Variants in ZCCHC2 observed in about 807,000 individuals in gnomAD.
ZCCHC2 encodes the protein zinc finger CCHC domain-containing protein 2.
ZCCHC2 carries 39 observed loss-of-function variants against 103.6 expected under a neutral mutation model. The observed-to-expected ratio is 0.38, with a 90% CI of 0.29 to 0.49. ZCCHC2 has a LOEUF of 0.49. Ranked by LOEUF, ZCCHC2 falls within the 20% of genes least tolerant of loss-of-function variation. The probability of loss-of-function intolerance (pLI) is 0.96; values close to 1 mark genes in which losing one functional copy is unlikely to be tolerated. For missense variants in ZCCHC2, 1,483 were observed against 1,491.0 expected, an observed-to-expected ratio of 0.99 and a Z score of 0.09; for synonymous variants, 687 against 608.9, an observed-to-expected ratio of 1.13 and a Z score of -1.89.
chr18:62,571,249 G>A (rs1425027102), intron 12 of ZCCHC2, among the ~76,000 whole-genome samples: 7 of 152,116 alleles, frequency 4.6e-5, no homozygotes. Context: ...GGGCTTTTGG[G>A]GAACTCGAAA....
intron 5 of ZCCHC2, 45 bp from the exon 6 acceptor site, chr18:62,556,158 T>C (rs1438490743): frequency 6.8e-7 from 1 of 1,480,046 alleles, no homozygotes; most frequent in Non-Finnish European, 9.2e-7. Flanking sequence ...TCTTGTGGAT[T>C]AACATTACCT....
Position 62,523,280 on chromosome 18 carries a change from C to A in ZCCHC2, c.-145C>A, listed in dbSNP as rs967564355. ...GCCGGCCACCGCCCCCCTCGCCGGC[C>A]GAGACCCGCCCCCGGCCCCGGCCCT... On this transcript the variant is annotated 5_prime_UTR_variant, in exon 1 of 14. Transcript: ENST00000269499. 6.9e-5 allele frequency: 55 copies of A among 792,830 alleles called. No homozygotes were observed. The highest frequency in any genetic ancestry group is 8.4e-5 in the Non-Finnish European group (55 of 654,732). The allele number at this position is 792,830 out of a possible 1,614,324, so 49.1% of individuals were successfully genotyped here. A position where few individuals can be genotyped will look rare whatever the true frequency, so the allele number is the denominator to read the frequency against.
At chr18:62,547,664 C>T (rs1915479349) in intron 4 of ZCCHC2, among the ~76,000 whole-genome samples, 1 of 151,962 alleles carries the variant, frequency 6.6e-6, no homozygotes, top group African/African-American at 2.4e-5. Context: ...CCAGTTCAAG[C>T]TGTTCTCATG....
At chr18:62,545,056 C>T (rs1180652942) in intron 4 of ZCCHC2, among the ~76,000 whole-genome samples, 183 bp downstream of exon 4, 2 of 152,012 alleles carry the variant, frequency 1.3e-5, no homozygotes, top group Non-Finnish European at 2.9e-5. Context: ...CCTGACATTA[C>T]CAACATAAGG....
intron 6 of ZCCHC2, among the ~76,000 whole-genome samples, chr18:62,557,508 A>T (rs1915943332): frequency 6.6e-6 from 1 of 152,248 alleles, no homozygotes; most frequent in Non-Finnish European, 1.5e-5. Flanking sequence ...AATCCGAATT[A>T]AAAATATGAC....
intron 4 of ZCCHC2, 30 bp from the exon 5 acceptor site, chr18:62,550,318 A>G (rs895806262): frequency 4.0e-6 from 6 of 1,512,498 alleles, no homozygotes; most frequent in African/African-American, 1.4e-5. Flanking sequence ...GAGAAACTTA[A>G]CATTGGATAT....
At chr18:62,524,634 G>T (rs1024889360) in intron 1 of ZCCHC2, 6 of 447,624 alleles carry the variant, frequency 1.3e-5, no homozygotes, top group Non-Finnish European at 1.5e-5. Flanking sequence ...GTGTTGCCAC[G>T]GAAGACGTGG....
chr18:62,531,283 T>C lies in ZCCHC2; in HGVS notation c.939+6920T>C, dbSNP rs1914660872. Among the ~76,000 whole-genome samples the C allele has an allele frequency of 2.0e-5, 3 of 152,228 alleles. No homozygotes were observed. The South Asian group carries it at 6.2e-4, about 31-fold the overall frequency. ...AAGGAAGTGCCTAATCGGGTGTTTA[T>C]GTTACAGGTGTAGCCTGGCTGGGCC... On this transcript the variant is annotated intron_variant, in intron 1 of 13. Coordinates refer to ENST00000269499, the MANE Select transcript of ZCCHC2 (RefSeq NM_017742.6).
At chr18:62,583,705 G>T (rs1917093934) in intron 14 of ZCCHC2, among the ~76,000 whole-genome samples, 1 of 151,992 alleles carries the variant, frequency 6.6e-6, no homozygotes, top group African/African-American at 2.4e-5. Context: ...CCAAGAGGGA[G>T]GGCTCATTGA....
intron 13 of ZCCHC2, among the ~76,000 whole-genome samples, chr18:62,576,125 T>G (rs936155397): frequency 3.3e-5 from 5 of 152,184 alleles, no homozygotes; most frequent in Non-Finnish European, 5.9e-5. Context: ...GAACAAAGTT[T>G]AATATTACTA....
intron 4 of ZCCHC2, among the ~76,000 whole-genome samples, chr18:62,546,082 A>T (rs1915393660): frequency 6.6e-6 from 1 of 152,192 alleles, no homozygotes; most frequent in Non-Finnish European, 1.5e-5. Context: ...CCTCCCACTC[A>T]TTAGTGACCT....
chr18:62,576,721 C>A lies in ZCCHC2; in HGVS notation c.*142C>A. Reference sequence around the variant, plus strand: ...GTTGGGATTTTTCATTTCTCTTGTACCAATGTCCAAAACAAGAAAGAATGC... The same window carrying A: ...GTTGGGATTTTTCATTTCTCTTGTAACAATGTCCAAAACAAGAAAGAATGC... On this transcript the variant is annotated 3_prime_UTR_variant, in exon 14 of 14. Transcript: ENST00000269499. 3 of 747,028 alleles carry A rather than the reference C, an allele frequency of 4.0e-6. No homozygotes were observed. Among genetic ancestry groups the A allele is most frequent in the Non-Finnish European group, 4.3e-6 (2 of 464,496 alleles). The allele number at this position is 747,028 out of a possible 1,614,324, so 46.3% of individuals were successfully genotyped here. A position where few individuals can be genotyped will look rare whatever the true frequency, so the allele number is the denominator to read the frequency against.
At position 62,532,122 on chromosome 18, in the gene ZCCHC2, T is replaced by TGCGC. The variant is rs145663766; in HGVS notation, c.940-7550_940-7547dup. On this transcript the variant is annotated intron_variant, in intron 1 of 13. Coordinates refer to ENST00000269499, the MANE Select transcript of ZCCHC2 (RefSeq NM_017742.6). ...GGGAGCCAGTGAAGGGGTGTGTGTG[T>TGCGC]GCGCGCGCGCGCACGTGCGCCCTTA... Among the ~76,000 whole-genome samples, 6 of 152,198 alleles carry TGCGC rather than the reference T, an allele frequency of 3.9e-5. No homozygotes were observed. The East Asian group carries it at 9.7e-4, about 24-fold the overall frequency.
intron 4 of ZCCHC2, 129 bp downstream of exon 4, chr18:62,545,002 A>G (rs1296486424): frequency 2.9e-6 from 2 of 681,056 alleles, no homozygotes; most frequent in African/African-American, 1.9e-5. Flanking sequence ...CTAAATGAAC[A>G]TTAGCTGTGG....
rs545749719 is a variant in ZCCHC2 at position 62,535,550 on chromosome 18, G to T, written c.940-4131G>T. 2.0e-5 allele frequency among the ~76,000 whole-genome samples: 3 copies of T among 152,266 alleles called. No homozygotes were observed. In the East Asian group the frequency reaches 5.8e-4, roughly 29 times the overall value. ...TCTAGGGTGTCTGGGACACAGCTGG[G>T]GCCCAGATGGCATCCCTAGACCCCT... is the stretch of plus-strand genomic sequence containing the variant. On this transcript the variant is annotated intron_variant, in intron 1 of 13. Coordinates refer to ENST00000269499, the MANE Select transcript of ZCCHC2 (RefSeq NM_017742.6).
At chr18:62,548,517 A>T (rs1178109488) in intron 4 of ZCCHC2, among the ~76,000 whole-genome samples, 2 of 152,210 alleles carry the variant, frequency 1.3e-5, no homozygotes, top group Non-Finnish European at 2.9e-5. Flanking sequence ...GTGTACAGAT[A>T]TTCAGTATAA....
chr18:62,533,380 G>A (rs1914779415), intron 1 of ZCCHC2, among the ~76,000 whole-genome samples: 1 of 150,150 alleles, frequency 6.7e-6, no homozygotes, highest in Admixed American at 6.7e-5. Context: ...ACAAAAATTA[G>A]TCGGGCGTGT....
intron 12 of ZCCHC2, among the ~76,000 whole-genome samples, chr18:62,572,808 A>T (rs1009094749): frequency 1.3e-5 from 2 of 152,196 alleles, no homozygotes; most frequent in African/African-American, 4.8e-5. Flanking sequence ...TTCAGACTTA[A>T]CATTTTTATC....
At chr18:62,561,277 C>CT (rs1158458678) in intron 8 of ZCCHC2, among the ~76,000 whole-genome samples, 1 of 152,188 alleles carries the variant, frequency 6.6e-6, no homozygotes, top group African/African-American at 2.4e-5. Context: ...CACATGTGGA[C>CT]TTCTAATTGG....
Sources: gnomAD v4.1 joint callset for allele counts (sites outside exome capture counted in the v4.1 genomes callset) on GRCh38, gnomAD v4.1.1 for gene constraint, MANE v1.5 for transcripts, NCBI Gene and HGNC (gene_info 2026-07-23, HGNC 2026-07-21) for gene names.